ADAM12: variants seen among roughly 807,000 people sequenced by gnomAD.
The protein encoded by ADAM12 is ADAM metallopeptidase domain 12.
In ADAM12, 70 loss-of-function variants were observed where a neutral mutation model predicts 106.4. The ratio of observed to expected loss-of-function variants is 0.66; its 90% CI spans 0.54 to 0.80. The LOEUF is 0.80. Ranked by LOEUF, ADAM12 falls within the 30% of genes least tolerant of loss-of-function variation. The pLI, the probability that ADAM12 is intolerant of heterozygous loss-of-function variation, is 0.00. For missense variants in ADAM12, 1,010 were observed against 1,171.9 expected, an observed-to-expected ratio of 0.86 and a Z score of 2.02; for synonymous variants, 420 against 433.5, an observed-to-expected ratio of 0.97 and a Z score of 0.39.
chr10:126,149,190 T>C (rs1956684354), intron 4 of ADAM12, among the ~76,000 whole-genome samples: 1 of 152,164 alleles, frequency 6.6e-6, no homozygotes, highest in African/African-American at 2.4e-5. Context: ...CCTGTGCACA[T>C]GTGAATCAGA....
chr10:126,063,149 G>T (rs1463823631), intron 14 of ADAM12, among the ~76,000 whole-genome samples: 5 of 152,208 alleles, frequency 3.3e-5, no homozygotes, highest in Non-Finnish European at 7.3e-5. Flanking sequence ...AGTACTAAGG[G>T]CCCGGGAACT....
intron 11 of ADAM12, among the ~76,000 whole-genome samples, chr10:126,079,872 T>C (rs1955179167): frequency 6.6e-6 from 1 of 152,172 alleles, no homozygotes; most frequent in Non-Finnish European, 1.5e-5. Flanking sequence ...GATCTGTCAG[T>C]GCGATCGTTG....
chr10:126,074,213 T>C (rs966243498), intron 11 of ADAM12, among the ~76,000 whole-genome samples: 2 of 152,176 alleles, frequency 1.3e-5, no homozygotes, highest in Non-Finnish European at 2.9e-5. Flanking sequence ...GACTCTAGGA[T>C]AAATGTTAAG....
At chr10:126,137,258 C>A (rs1006937954) in intron 4 of ADAM12, among the ~76,000 whole-genome samples, 18 of 152,198 alleles carry the variant, frequency 1.2e-4, no homozygotes. Context: ...TTTGTACTCT[C>A]TGTGCTAGCC....
At chr10:126,190,889 G>T (rs1171227483) in intron 3 of ADAM12, among the ~76,000 whole-genome samples, 1 of 151,828 alleles carries the variant, frequency 6.6e-6, no homozygotes, top group African/African-American at 2.4e-5. Flanking sequence ...CAGGTGGGAG[G>T]CACAAGATAA....
intron 2 of ADAM12, among the ~76,000 whole-genome samples, chr10:126,280,345 C>T (rs1428521255): frequency 6.6e-6 from 1 of 152,150 alleles, no homozygotes; most frequent in Admixed American, 6.5e-5. Context: ...ATATCTTCTT[C>T]TAGTCTTTCT....
chr10:126,261,141 A>G (rs1418436289), intron 3 of ADAM12, among the ~76,000 whole-genome samples: 1 of 152,224 alleles, frequency 6.6e-6, no homozygotes, highest in African/African-American at 2.4e-5. Flanking sequence ...GCCATTTTAT[A>G]TTAGGGACAT....
intron 2 of ADAM12, among the ~76,000 whole-genome samples, chr10:126,323,652 G>A (rs983552736): frequency 6.6e-6 from 1 of 152,172 alleles, no homozygotes; most frequent in East Asian, 1.9e-4. Context: ...GCTGCCCTGA[G>A]GGAGGGCACA....
chr10:126,318,766 C>T (rs1262783158), intron 2 of ADAM12, among the ~76,000 whole-genome samples: 1 of 152,180 alleles, frequency 6.6e-6, no homozygotes, highest in East Asian at 1.9e-4. Context: ...TCTCACACTG[C>T]TAATAAAGAC....
At chr10:126,235,652 T>C (rs559296985) in intron 3 of ADAM12, among the ~76,000 whole-genome samples, 41 of 152,264 alleles carry the variant, frequency 2.7e-4, no homozygotes, top group Non-Finnish European at 5.3e-4. Context: ...AGGATGCGTG[T>C]CTCCTTCTCC....
intron 18 of ADAM12, chr10:126,041,760 C>A (rs1176309502): frequency 1.9e-6 from 2 of 1,063,594 alleles, no homozygotes; most frequent in African/African-American, 3.3e-5. Context: ...GGACACTGGG[C>A]CCAACCCTTG....
chr10:126,174,435 G>A (rs1478579368), intron 3 of ADAM12, among the ~76,000 whole-genome samples: 6 of 152,086 alleles, frequency 3.9e-5, no homozygotes, highest in Admixed American at 2.6e-4. Flanking sequence ...TGAGCTTTGC[G>A]GCATGTCTTT....
At chr10:126,236,729 C>G (rs565055467) in intron 3 of ADAM12, among the ~76,000 whole-genome samples, 67 of 151,740 alleles carry the variant, frequency 4.4e-4, no homozygotes, top group Non-Finnish European at 7.7e-4. Flanking sequence ...GGAAGGAGTA[C>G]TCACAGGAAG....
At chr10:126,022,047 G>C (rs1447927187) in intron 21 of ADAM12, among the ~76,000 whole-genome samples, 1 of 152,164 alleles carries the variant, frequency 6.6e-6, no homozygotes, top group East Asian at 1.9e-4. Flanking sequence ...TGACTAAGCT[G>C]TCTTGGCAAT....
intron 11 of ADAM12, among the ~76,000 whole-genome samples, chr10:126,082,821 G>A (rs1158480234): frequency 5.3e-5 from 8 of 152,148 alleles, no homozygotes; most frequent in African/African-American, 1.9e-4. Context: ...AAGTGAGAGC[G>A]AGGTCCTCTT....
intron 21 of ADAM12, among the ~76,000 whole-genome samples, chr10:126,029,931 T>A (rs1366152934): frequency 6.6e-6 from 1 of 152,222 alleles, no homozygotes; most frequent in Non-Finnish European, 1.5e-5. Flanking sequence ...AAAGGCAGCT[T>A]CACTCAGTCT....
intron 1 of ADAM12, among the ~76,000 whole-genome samples, chr10:126,381,283 G>A (rs982408975): frequency 1.7e-4 from 26 of 152,004 alleles, no homozygotes; most frequent in African/African-American, 2.4e-4. Flanking sequence ...TGTACATGGC[G>A]GAGTCACAGG....
chr10:126,254,788 G>C (rs1341006705), intron 3 of ADAM12, among the ~76,000 whole-genome samples: 1 of 152,168 alleles, frequency 6.6e-6, no homozygotes, highest in Non-Finnish European at 1.5e-5. Flanking sequence ...TTTTGCAGGG[G>C]TTTCTTCACC....
At chr10:126,038,065 G>A (rs947993871) in intron 20 of ADAM12, among the ~76,000 whole-genome samples, 176 bp downstream of exon 20, 1 of 152,192 alleles carries the variant, frequency 6.6e-6, no homozygotes, top group Non-Finnish European at 1.5e-5. Flanking sequence ...GGGGCACCGT[G>A]GGGCCTCCCT....
Sources: gnomAD v4.1 joint callset for allele counts (sites outside exome capture counted in the v4.1 genomes callset) on GRCh38, gnomAD v4.1.1 for gene constraint, MANE v1.5 for transcripts, NCBI Gene and HGNC (gene_info 2026-07-23, HGNC 2026-07-21) for gene names.